The following NBDY variants were observed in gnomAD, a reference collection of about 807,000 sequenced individuals.
NBDY encodes the protein P-body dissociating protein.
chrX:56,751,525 G>A (rs1245961096), intron 2 of NBDY, among the ~76,000 whole-genome samples: 1 of 111,463 alleles, frequency 9.0e-6, no homozygotes, highest in Non-Finnish European at 1.9e-5. Context: ...TTTTTATGGT[G>A]GTATAAGTCA....
At chrX:56,808,791 C>T (rs1268766086) in intron 2 of NBDY, among the ~76,000 whole-genome samples, 1 of 111,592 alleles carries the variant, frequency 9.0e-6, no homozygotes, top group African/African-American at 3.3e-5. Context: ...TTATTTCTTG[C>T]CTTCTGCTAG....
At chrX:56,799,363 A>C (rs2069810088) in intron 2 of NBDY, among the ~76,000 whole-genome samples, 1 of 113,212 alleles carries the variant, frequency 8.8e-6, no homozygotes, top group Non-Finnish European at 1.9e-5. Flanking sequence ...AAATGGCCCC[A>C]GTCTCGGCAG....
rs187317053 is a variant in NBDY, at chrX:56,795,845, G to A, written c.*167-21475G>A. On this transcript the variant is annotated intron_variant, in intron 2 of 2. Transcript: ENST00000374922. ...GAAAACGCGAGAATAAAAGAATGCA[G>A]GAAGATCTGGACTGTGTCTTTAGGG... Among the ~76,000 whole-genome samples, 6 of 112,712 alleles carry A rather than the reference G, an allele frequency of 5.3e-5. No homozygotes were observed. In the East Asian group the frequency reaches 1.4e-3, roughly 26 times the overall value.
intron 2 of NBDY, chrX:56,737,412 A>G (rs2077257): frequency 0.042 from 26,731 of 642,718 alleles, 1,830 homozygotes; most frequent in African/African-American, 0.3. Flanking sequence ...CTGTCATTAT[A>G]AAGGTTCTCA....
intron 2 of NBDY, among the ~76,000 whole-genome samples, chrX:56,784,775 C>G (rs770392942): frequency 9.0e-6 from 1 of 111,372 alleles, no homozygotes; most frequent in East Asian, 2.8e-4. Context: ...ATGAGTCGGT[C>G]GAGGACAAAT....
Position 56,729,408 on chromosome X carries a change from C to A in NBDY, c.55C>A (p.Arg19=). ...ATCCACTCTCCCACCTGGAAACGCA[C>A]GGGAAGCCAAGCCTCCAAAAAAGCG... is the stretch of plus-strand genomic sequence containing the variant. ...GRSTLPPGNA[R]EAKPPKKRCL... The change falls in exon 1 of 3, where the codon CGG becomes AGG. Residue 19 remains arginine, a synonymous_variant. Coordinates refer to ENST00000374922, the MANE Select transcript of NBDY (RefSeq NM_001348129.2). The A allele has an allele frequency of 3.4e-6, 1 of 297,472 alleles. No homozygotes were observed. Among genetic ancestry groups the A allele is most frequent in the South Asian group, 2.0e-4 (1 of 4,963 alleles). 24.5% of individuals were successfully genotyped at this position (297,472 alleles called of 1,213,427 possible).
chrX:56,762,770 A>C (rs1485574527), intron 2 of NBDY, among the ~76,000 whole-genome samples: 1 of 110,846 alleles, frequency 9.0e-6, no homozygotes, highest in Non-Finnish European at 1.9e-5. Context: ...CAGTTTACCC[A>C]CTCTCACACA....
intron 2 of NBDY, among the ~76,000 whole-genome samples, chrX:56,816,791 A>C (rs947381442): frequency 1.8e-5 from 2 of 111,227 alleles, no homozygotes; most frequent in Admixed American, 1.9e-4. Context: ...TGTAAATAGG[A>C]GAAAGACTGA....
chrX:56,765,631 T>C (rs2069661569), intron 2 of NBDY, among the ~76,000 whole-genome samples: 1 of 111,307 alleles, frequency 9.0e-6, no homozygotes, highest in Non-Finnish European at 1.9e-5. Flanking sequence ...TCTCACTTCC[T>C]GTTCTCCTTC....
intron 2 of NBDY, among the ~76,000 whole-genome samples, chrX:56,763,962 G>A (rs1037357207): frequency 6.2e-4 from 70 of 112,669 alleles, no homozygotes; most frequent in African/African-American, 2.2e-3. Flanking sequence ...TCTAGAAACC[G>A]GAGGCAGCTG....
intron 2 of NBDY, among the ~76,000 whole-genome samples, chrX:56,785,089 C>A (rs2069719705): frequency 9.0e-6 from 1 of 111,287 alleles, no homozygotes; most frequent in African/African-American, 3.3e-5. Context: ...AGAGTGTGAA[C>A]CACTCTCACA....
At chrX:56,767,066 T>C (rs897899142) in intron 2 of NBDY, among the ~76,000 whole-genome samples, 15 of 113,161 alleles carry the variant, frequency 1.3e-4, no homozygotes, top group African/African-American at 4.5e-4. Flanking sequence ...GACCCCCAAT[T>C]CTCCAGCAAA....
intron 2 of NBDY, among the ~76,000 whole-genome samples, chrX:56,749,181 G>T (rs1422721686): frequency 9.1e-6 from 1 of 110,466 alleles, no homozygotes. Context: ...TTTGTGAAAG[G>T]CATTTAAGAT....
intron 2 of NBDY, chrX:56,737,105 G>T (rs1217057696): frequency 1.6e-5 from 8 of 484,917 alleles, no homozygotes; most frequent in East Asian, 4.0e-5. Context: ...TTCAGTATAA[G>T]GTTTGGAATA....
chrX:56,781,401 A>T (rs1013421536), intron 2 of NBDY, among the ~76,000 whole-genome samples: 1 of 111,869 alleles, frequency 8.9e-6, no homozygotes, highest in Admixed American at 9.4e-5. Context: ...AGCAGGGAAC[A>T]GGGCAGTCTC....
chrX:56,745,670 A>G (rs1048015756), intron 2 of NBDY, among the ~76,000 whole-genome samples: 9 of 111,285 alleles, frequency 8.1e-5, no homozygotes, highest in African/African-American at 2.9e-4. Flanking sequence ...GTCAGGGGTC[A>G]TGCATTGTAT....
At chrX:56,790,686 C>G (rs1014452205) in intron 2 of NBDY, among the ~76,000 whole-genome samples, 1 of 111,902 alleles carries the variant, frequency 8.9e-6, no homozygotes, top group Non-Finnish European at 1.9e-5. Context: ...TACGTCTCAA[C>G]ATTTTCCTGT....
At chrX:56,765,677 C>CTT (rs1205471653) in intron 2 of NBDY, among the ~76,000 whole-genome samples, 5 of 110,689 alleles carry the variant, frequency 4.5e-5, no homozygotes, top group African/African-American at 1.6e-4. Context: ...TACCCCTCTT[C>CTT]TTTAATTCTT....
At chrX:56,751,978 A>G (rs1476487601) in intron 2 of NBDY, among the ~76,000 whole-genome samples, 1 of 111,744 alleles carries the variant, frequency 8.9e-6, no homozygotes, top group African/African-American at 3.3e-5. Context: ...TTCTGCATTA[A>G]TTCATTTAGG....
Sources: gnomAD v4.1 joint callset for allele counts (sites outside exome capture counted in the v4.1 genomes callset) on GRCh38, gnomAD v4.1.1 for gene constraint, MANE v1.5 for transcripts, NCBI Gene and HGNC (gene_info 2026-07-23, HGNC 2026-07-21) for gene names.